The following UBR2 variants were observed in gnomAD, a reference collection of about 807,000 sequenced individuals.
UBR2 encodes the protein E3 ubiquitin-protein ligase UBR2.
In UBR2, 92 loss-of-function variants were observed where a neutral mutation model predicts 247.9. The ratio of observed to expected loss-of-function variants is 0.37; its 90% confidence interval spans 0.31 to 0.44. The LOEUF is 0.44. Ranked by LOEUF, UBR2 falls within the 20% of genes least tolerant of loss-of-function variation. UBR2 has a pLI of 1.00. For synonymous variants in UBR2, 672 were observed against 693.5 expected, an observed-to-expected ratio of 0.97 and a Z score of 0.49; for missense variants, 1,613 against 2,112.6, an observed-to-expected ratio of 0.76 and a Z score of 4.64.
intron 32 of UBR2, among the ~76,000 whole-genome samples, chr6:42,664,590 T>C (rs531954533): frequency 6.6e-6 from 1 of 152,370 alleles, no homozygotes; most frequent in Admixed American, 6.5e-5. Context: ...TAGTCTATGC[T>C]ACCACAAAAT....
chr6:42,635,469 G>C lies in UBR2; in HGVS notation c.1597G>C (p.Glu533Gln). Reference protein sequence around the residue: ...QVGQHIEMEPEWEAAFTLQMK... With the variant: ...QVGQHIEMEPQWEAAFTLQMK... ...AGGACAACATATTGAAATGGAACCA[G>C]AGTGGGAAGCAGCCTTCACACTACA... is the stretch of plus-strand genomic sequence containing the variant. The change falls in exon 14 of 47, where the codon GAG (glutamate) becomes CAG (glutamine). Residue 533 changes from glutamate (E) to glutamine (Q), a missense_variant. Around this residue, in one of 3 missense-constraint regions of UBR2, gnomAD observed 1,524 missense variants for 1,967.3 expected, o/e 0.77. Coordinates refer to ENST00000372901, the MANE Select transcript of UBR2 (RefSeq NM_001363705.2). 6.2e-7 allele frequency: 1 copy of C among 1,613,846 alleles called. No individual in the cohort carries two copies. The highest frequency in any genetic ancestry group is 2.2e-5 in the East Asian group (1 of 44,864).
At chr6:42,600,569 T>A (rs1014040957) in intron 4 of UBR2, among the ~76,000 whole-genome samples, 11 of 143,482 alleles carry the variant, frequency 7.7e-5, no homozygotes, top group Non-Finnish European at 3.0e-5. Flanking sequence ...TTAAAATTTG[T>A]GTACGGAGAT....
Position 42,659,768 on chromosome 6 carries a change from G to A in UBR2, c.3355G>A (p.Val1119Met). Reference sequence around the variant, plus strand: ...GTGTCAAGAGGAGCAAGAAGTTAAAGTGGAAAGCAGGGCAATGGTCTTGGC... The same window carrying A: ...GTGTCAAGAGGAGCAAGAAGTTAAAATGGAAAGCAGGGCAATGGTCTTGGC... ...ILCQEEQEVK[V>M]ESRAMVLAAF... The change falls in exon 30 of 47, where the codon GTG becomes ATG. Residue 1119 changes from valine (V) to methionine (M), a missense_variant. Transcript: ENST00000372901. The surrounding 1 kb of genome is among the most constrained non-coding windows in gnomAD (Gnocchi z 4.3). 1 of 1,614,186 alleles carries A rather than the reference G, an allele frequency of 6.2e-7. No homozygotes were observed. The highest frequency in any genetic ancestry group is 8.5e-7 in the Non-Finnish European group (1 of 1,180,032).
intron 34 of UBR2, among the ~76,000 whole-genome samples, chr6:42,668,910 T>C (rs1184893869): frequency 6.7e-6 from 1 of 149,926 alleles, no homozygotes; most frequent in East Asian, 1.9e-4. Flanking sequence ...TTACTTCTAT[T>C]TTCTATTACT....
At chr6:42,671,858 A>T (rs1798460121) in intron 36 of UBR2, among the ~76,000 whole-genome samples, 1 of 152,040 alleles carries the variant, frequency 6.6e-6, no homozygotes, top group South Asian at 2.1e-4. Flanking sequence ...TATCCAAATG[A>T]TCCCCACCTG....
At chr6:42,580,064 A>G (rs533594237) in intron 2 of UBR2, among the ~76,000 whole-genome samples, 1 of 152,144 alleles carries the variant, frequency 6.6e-6, no homozygotes, top group Non-Finnish European at 1.5e-5. Flanking sequence ...TGTAGCAAAC[A>G]ATGCTGCAAG....
chr6:42,673,798 GTC>G lies in UBR2; in HGVS notation c.4096_4097del (p.Leu1366Ter). On this transcript the variant is annotated frameshift_variant, in exon 37 of 47. Coordinates refer to ENST00000372901, the MANE Select transcript of UBR2 (RefSeq NM_001363705.2). LOFTEE classifies it high-confidence loss of function. ...TGCGTTGGTTTATTTTAGGATGACT[GTC>G]TTAGGTCATTGACGAGATTTGCCGC... The G allele has an allele frequency of 6.2e-7, 1 of 1,613,244 alleles. No homozygotes were observed. Among genetic ancestry groups the G allele is most frequent in the Non-Finnish European group, 8.5e-7 (1 of 1,179,418 alleles).
At chr6:42,571,392 TA>T (rs995554102) in intron 1 of UBR2, among the ~76,000 whole-genome samples, 2 of 151,786 alleles carry the variant, frequency 1.3e-5, no homozygotes, top group South Asian at 4.2e-4. Context: ...CAATATGTTG[TA>T]AAAAAAAGTC....
intron 11 of UBR2, among the ~76,000 whole-genome samples, chr6:42,624,144 TTTTG>T (rs1053612594): frequency 5.8e-5 from 5 of 86,778 alleles, no homozygotes; most frequent in Non-Finnish European, 1.1e-4. Context: ...TTTTGTTTTG[TTTTG>T]TTTGTTTTTT....
At chr6:42,608,024 C>A (rs569022050) in intron 7 of UBR2, among the ~76,000 whole-genome samples, 1 of 152,076 alleles carries the variant, frequency 6.6e-6, no homozygotes, top group Non-Finnish European at 1.5e-5. Flanking sequence ...GATTAAACCA[C>A]AATTTATTTA....
At chr6:42,601,784 T>A (rs887073433) in intron 4 of UBR2, among the ~76,000 whole-genome samples, 1 of 151,886 alleles carries the variant, frequency 6.6e-6, no homozygotes, top group African/African-American at 2.4e-5. Context: ...AAAATCTGCT[T>A]CTTACTGAGA....
At chr6:42,650,203 C>G in intron 22 of UBR2, 81 bp from the exon 23 acceptor site, 1 of 1,174,346 alleles carries the variant, frequency 8.5e-7, no homozygotes, top group South Asian at 1.4e-5. Flanking sequence ...GCTCTGCTTT[C>G]TTGTTCTAAT....
At chr6:42,639,618 G>A (rs1327300043) in intron 15 of UBR2, among the ~76,000 whole-genome samples, 1 of 152,106 alleles carries the variant, frequency 6.6e-6, no homozygotes, top group East Asian at 1.9e-4. Flanking sequence ...TTAATTCAAA[G>A]GTCAGTATCA....
At chr6:42,595,778 T>C (rs1441043224) in intron 4 of UBR2, among the ~76,000 whole-genome samples, 1 of 151,986 alleles carries the variant, frequency 6.6e-6, no homozygotes, top group East Asian at 1.9e-4. Context: ...CAAATATATT[T>C]TATCAGAATG....
Position 42,659,779 on chromosome 6 carries a change from G to A in UBR2, c.3366G>A (p.Arg1122=), listed in dbSNP as rs1296269189. The A allele has an allele frequency of 6.2e-7, 1 of 1,614,084 alleles. No homozygotes were observed. The highest frequency in any genetic ancestry group is 8.5e-7 in the Non-Finnish European group (1 of 1,180,014). ...AGCAAGAAGTTAAAGTGGAAAGCAG[G>A]GCAATGGTCTTGGCAGCATTTGTTC... ...QEEQEVKVES[R]AMVLAAFVQR... The change falls in exon 30 of 47, where the codon AGG becomes AGA. Residue 1122 remains arginine (R), a synonymous_variant. Coordinates refer to ENST00000372901, the MANE Select transcript of UBR2 (RefSeq NM_001363705.2). This position sits in a 1 kb window ranked among gnomAD's most constrained non-coding sequence, Gnocchi z 4.3.
At chr6:42,612,344 C>G in intron 8 of UBR2, 53 bp downstream of exon 8, 1 of 1,417,552 alleles carries the variant, frequency 7.1e-7, no homozygotes, top group Non-Finnish European at 9.4e-7. Context: ...GCTCAATATG[C>G]TGTTGCAAAA....
chr6:42,654,591 G>A (rs984035203), intron 25 of UBR2, among the ~76,000 whole-genome samples: 2 of 152,130 alleles, frequency 1.3e-5, no homozygotes, highest in Non-Finnish European at 2.9e-5. Context: ...CAATCGTCAT[G>A]GCACATGCTT....
chr6:42,602,061 G>T lies in UBR2; in HGVS notation c.532-1527G>T, dbSNP rs577469750. On this transcript the variant is annotated intron_variant, in intron 4 of 46. Coordinates refer to ENST00000372901, the MANE Select transcript of UBR2 (RefSeq NM_001363705.2). ...CTTTTATATTTTTAGTAGAGATGAG[G>T]TTTCACCACATTGGCCAGGCTGGTC... Among the ~76,000 whole-genome samples the T allele has an allele frequency of 8.6e-5, 13 of 150,950 alleles. No homozygotes were observed. In the East Asian group the frequency reaches 2.6e-3, roughly 30 times the overall value.
Position 42,652,660 on chromosome 6 carries a change from A to T in UBR2, c.2769+15A>T. ...TGCTGCAAAGGGTAGGTTTGAAGAC[A>T]TTTATTATTTATATTTTAGTATTTT... is the stretch of plus-strand genomic sequence containing the variant. On this transcript the variant is annotated intron_variant, in intron 25 of 46. Transcript: ENST00000372901. The T allele has an allele frequency of 6.3e-7, 1 of 1,595,884 alleles. No individual in the cohort carries two copies. The highest frequency in any genetic ancestry group is 8.5e-7 in the Non-Finnish European group (1 of 1,175,022).
Sources: gnomAD v4.1 joint callset for allele counts (sites outside exome capture counted in the v4.1 genomes callset) on GRCh38, gnomAD v4.1.1 for gene constraint, gnomAD v4.1.1 regional missense constraint, Gnocchi (gnomAD v3.1) non-coding constraint, MANE v1.5 for transcripts, NCBI Gene and HGNC (gene_info 2026-07-23, HGNC 2026-07-21) for gene names.